Variants in ANKRD11 observed in about 807,000 individuals in gnomAD.
The protein encoded by ANKRD11 is ankyrin repeat domain 11, also known as ankyrin repeat domain-containing protein 11.
Under a neutral mutation model 195.7 loss-of-function variants are expected in ANKRD11, and 17 were observed. That is an observed-to-expected ratio of 0.09 (90% CI 0.06 to 0.13). The LOEUF (loss-of-function observed/expected upper bound fraction) is 0.13. Among genes scored for constraint, ANKRD11 ranks in the 10% least tolerant of loss-of-function variants. The pLI, the probability that ANKRD11 is intolerant of heterozygous loss-of-function variation, is 1.00. For synonymous variants in ANKRD11, 1,953 were observed against 1,528.1 expected, an observed-to-expected ratio of 1.28 and a Z score of -6.49; for missense variants, 3,735 against 3,566.1, an observed-to-expected ratio of 1.05 and a Z score of -1.21.
chr16:89,270,572 C>T, intron 12 of ANKRD11: 1 of 544,902 alleles, frequency 1.8e-6, no homozygotes, highest in Non-Finnish European at 3.3e-6. Flanking sequence ...TCCTGTTGAG[C>T]TGGCGACAGG....
At chr16:89,380,922 G>A (rs183572953) in intron 2 of ANKRD11, among the ~76,000 whole-genome samples, 1 of 152,316 alleles carries the variant, frequency 6.6e-6, no homozygotes, top group East Asian at 1.9e-4. Flanking sequence ...GCAGGCAGAC[G>A]GAGCACGCAT....
At chr16:89,406,109 CAAAAAAAAAA>C (rs1232899595) in intron 2 of ANKRD11, among the ~76,000 whole-genome samples, 2 of 49,660 alleles carry the variant, frequency 4.0e-5, no homozygotes, top group Non-Finnish European at 9.3e-5. Flanking sequence ...GATTCCATCT[CAAAAAAAAAA>C]AAAAAAAAAA....
intron 4 of ANKRD11, among the ~76,000 whole-genome samples, chr16:89,302,299 C>T (rs747781996): frequency 5.3e-5 from 8 of 152,200 alleles, no homozygotes; most frequent in African/African-American, 1.9e-4. Flanking sequence ...TGTTGCCAGG[C>T]TGGAGTGCAA....
rs749845953 is a variant in ANKRD11, at chr16:89,281,447, G to C, written c.5095C>G (p.Arg1699Gly). Residue 1699 changes from arginine (R) to glycine (G), a missense_variant, in exon 9 of 13, where the codon CGG (arginine) becomes GGG (glycine). Physicochemically the swap from Arg to Gly is moderately radical, Grantham distance 125. Coordinates refer to ENST00000301030, the MANE Select transcript of ANKRD11 (RefSeq NM_013275.6). This position sits in a 1 kb window ranked among gnomAD's most constrained non-coding sequence, Gnocchi z 5.5. ...GTAGGGGTGGGCACGCCAGTGGGCCGGCTCTGGTCAGGCCTGGGGGACGCA... is the reference window on the plus strand; with the variant it reads ...GTAGGGGTGGGCACGCCAGTGGGCCCGCTCTGGTCAGGCCTGGGGGACGCA... Reference protein sequence around the residue: ...LPASPRPDQSRPTGVPTPTSV... With the variant: ...LPASPRPDQSGPTGVPTPTSV... 6.2e-7 allele frequency: 1 copy of C among 1,613,602 alleles called. No individual in the cohort carries two copies. The highest frequency in any genetic ancestry group is 1.1e-5 in the South Asian group (1 of 91,084).
chr16:89,421,982 GA>G (rs1400270880), intron 1 of ANKRD11, among the ~76,000 whole-genome samples: 1 of 152,166 alleles, frequency 6.6e-6, no homozygotes, highest in Non-Finnish European at 1.5e-5. Flanking sequence ...TCTGTGTTAG[GA>G]AACCCAGGAG....
intron 2 of ANKRD11, among the ~76,000 whole-genome samples, chr16:89,363,256 C>T (rs2039808675): frequency 6.6e-6 from 1 of 152,084 alleles, no homozygotes; most frequent in South Asian, 2.1e-4. Flanking sequence ...TATACTCTGC[C>T]TTCTGAAGCA....
At chr16:89,441,010 G>A (rs1331241504) in intron 1 of ANKRD11, among the ~76,000 whole-genome samples, 2 of 152,176 alleles carry the variant, frequency 1.3e-5, no homozygotes, top group African/African-American at 4.8e-5. Context: ...GGCCGAGGCG[G>A]GCAGATCATG....
chr16:89,305,017 C>T, intron 4 of ANKRD11, 189 bp downstream of exon 4: 1 of 851,470 alleles, frequency 1.2e-6, no homozygotes, highest in Non-Finnish European at 1.8e-6. Flanking sequence ...GGGCCTGAGC[C>T]TCGGGTGCAA....
chr16:89,368,727 G>A (rs940622329), intron 2 of ANKRD11, among the ~76,000 whole-genome samples: 1 of 151,714 alleles, frequency 6.6e-6, no homozygotes, highest in Non-Finnish European at 1.5e-5. Flanking sequence ...AGGCAACACA[G>A]TGAGACCAGT....
intron 2 of ANKRD11, among the ~76,000 whole-genome samples, chr16:89,362,922 C>A (rs2039793423): frequency 1.3e-5 from 2 of 151,948 alleles, no homozygotes; most frequent in Admixed American, 1.3e-4. Context: ...TGTGAGGTCC[C>A]GTTCCAGCCA....
intron 6 of ANKRD11, among the ~76,000 whole-genome samples, chr16:89,289,624 G>C (rs1439702209): frequency 6.6e-6 from 1 of 152,222 alleles, no homozygotes; most frequent in East Asian, 1.9e-4. Context: ...CGGCCTCCCG[G>C]CTCAGAGGTG....
rs1421251761 is a variant in ANKRD11 at position 89,280,815 on chromosome 16, C to T, written c.5727G>A (p.Pro1909=). 12 of 1,603,786 alleles carry T rather than the reference C, an allele frequency of 7.5e-6. No homozygotes were observed. The highest frequency in any genetic ancestry group is 6.7e-5 in the East Asian group (3 of 44,570). The change falls in exon 9 of 13, where the codon CCG becomes CCA. Residue 1909 remains proline, a synonymous_variant. Coordinates refer to ENST00000301030, the MANE Select transcript of ANKRD11 (RefSeq NM_013275.6). ...GCTGGTCCTCGGAGGTGTCCAGGTC[C>T]GGGGGAAGGGCCCCTTCGAGGGAAG... ...LVPSLEGALP[P]DLDTSEDQQA... is the part of the protein sequence containing the mutation.
intron 2 of ANKRD11, among the ~76,000 whole-genome samples, chr16:89,380,352 T>C (rs908206452): frequency 6.6e-6 from 1 of 152,170 alleles, no homozygotes; most frequent in African/African-American, 2.4e-5. Context: ...CCTCAGGTGA[T>C]CCACCCACCT....
chr16:89,338,066 G>A (rs937095158), intron 2 of ANKRD11, among the ~76,000 whole-genome samples: 5 of 152,160 alleles, frequency 3.3e-5, no homozygotes, highest in African/African-American at 4.8e-5. Flanking sequence ...ACTGTGTCGC[G>A]CTCTGCCACT....
chr16:89,310,375 T>C (rs1229782547), intron 3 of ANKRD11, among the ~76,000 whole-genome samples: 2 of 152,374 alleles, frequency 1.3e-5, no homozygotes, highest in East Asian at 1.9e-4. Flanking sequence ...CTACACTGTC[T>C]GCATCCTCCA....
At position 89,447,804 on chromosome 16, in the gene ANKRD11, CTTT is replaced by C. The variant is rs753581064; in HGVS notation, c.-144-29439_-144-29437del. Reference sequence around the variant, plus strand: ...TTTTCCTAAAATACAATAACTTTTTCTTTTTTTTTTTTTTTTTGGAGACAAAGT... The same window carrying C: ...TTTTCCTAAAATACAATAACTTTTTCTTTTTTTTTTTTTTGGAGACAAAGT... On this transcript the variant is annotated intron_variant, in intron 1 of 12. Coordinates refer to ENST00000301030, the MANE Select transcript of ANKRD11 (RefSeq NM_013275.6). 8.5e-3 allele frequency among the ~76,000 whole-genome samples: 1,152 copies of C among 135,248 alleles called. 17 individuals are homozygous for C. The highest frequency in any genetic ancestry group is 0.03 in the African/African-American group (1,077 of 35,908). The allele number at this position is 135,248 out of a possible 152,430, so 88.7% of individuals were successfully genotyped here.
rs1414703198 is a variant in ANKRD11 at position 89,279,947 on chromosome 16, G to A, written c.6595C>T (p.Leu2199Phe). 3.7e-6 allele frequency: 6 copies of A among 1,610,026 alleles called. No homozygotes were observed. The African/African-American group carries it at 5.3e-5, about 14-fold the overall frequency. The change falls in exon 9 of 13, where the codon CTC (leucine) becomes TTC (phenylalanine). Residue 2199 changes from leucine (L) to phenylalanine (F), a missense_variant. Leu to Phe is a conservative substitution (Grantham distance 22). Coordinates refer to ENST00000301030, the MANE Select transcript of ANKRD11 (RefSeq NM_013275.6). This position sits in a 1 kb window ranked among gnomAD's most constrained non-coding sequence, Gnocchi z 5.6. ...ALPPDQASTRLPAELEPEPSG... is the reference protein window; with the variant it reads ...ALPPDQASTRFPAELEPEPSG... ...GGCTCAGGCTCGAGCTCTGCAGGGA[G>A]CCGGGTGGAGGCCTGGTCAGGAGGC...
intron 3 of ANKRD11, among the ~76,000 whole-genome samples, chr16:89,314,505 G>A (rs1434806409): frequency 6.6e-6 from 1 of 152,094 alleles, no homozygotes; most frequent in Non-Finnish European, 1.5e-5. Flanking sequence ...CCTGCCTCCT[G>A]CGCCAACACG....
At chr16:89,439,561 A>T (rs952975546) in intron 1 of ANKRD11, among the ~76,000 whole-genome samples, 1 of 152,232 alleles carries the variant, frequency 6.6e-6, no homozygotes, top group Admixed American at 6.5e-5. Flanking sequence ...TCTAAAATGC[A>T]ATGTGATATT....
Sources: gnomAD v4.1 joint callset for allele counts (sites outside exome capture counted in the v4.1 genomes callset) on GRCh38, gnomAD v4.1.1 for gene constraint, Gnocchi (gnomAD v3.1) non-coding constraint, MANE v1.5 for transcripts, NCBI Gene and HGNC (gene_info 2026-07-23, HGNC 2026-07-21) for gene names.